FOXJ3: variants seen among roughly 807,000 people sequenced by gnomAD.
FOXJ3 encodes the protein forkhead box J3.
A neutral mutation model predicts 76.1 loss-of-function variants in FOXJ3; 22 were observed. That is an observed-to-expected ratio of 0.29 (90% CI 0.21 to 0.41). The LOEUF (loss-of-function observed/expected upper bound fraction) is 0.41. Ranked by LOEUF, FOXJ3 falls within the 10% of genes least tolerant of loss-of-function variation. The pLI is 1.00. For missense variants in FOXJ3, 613 were observed against 762.1 expected (o/e 0.80, Z 2.30); for synonymous variants, 269 against 261.2 (o/e 1.03, Z -0.29).
At chr1:42,248,596 T>G (rs1033281813) in intron 4 of FOXJ3, among the ~76,000 whole-genome samples, 1 of 151,876 alleles carries the variant, frequency 6.6e-6, no homozygotes, top group Non-Finnish European at 1.5e-5. Context: ...TAAAAAACAT[T>G]TTTTTGATCT....
chr1:42,234,398 C>T (rs554122485), intron 4 of FOXJ3, among the ~76,000 whole-genome samples: 4 of 152,276 alleles, frequency 2.6e-5, no homozygotes, highest in Middle Eastern at 3.4e-3. Context: ...CTTCTCTCAG[C>T]TCGTCAAAGT....
At chr1:42,215,984 C>A (rs1647056264) in intron 5 of FOXJ3, among the ~76,000 whole-genome samples, 1 of 151,832 alleles carries the variant, frequency 6.6e-6, no homozygotes, top group Admixed American at 6.6e-5. Context: ...AGACACCCAT[C>A]TCTAAGGGGG....
At chr1:42,244,298 T>G (rs1238089108) in intron 4 of FOXJ3, among the ~76,000 whole-genome samples, 1 of 151,782 alleles carries the variant, frequency 6.6e-6, no homozygotes, top group Non-Finnish European at 1.5e-5. Flanking sequence ...AACACAAAAT[T>G]AATAGAAGAA....
chr1:42,213,493 T>C (rs770523860), intron 5 of FOXJ3, among the ~76,000 whole-genome samples: 6 of 146,224 alleles, frequency 4.1e-5, no homozygotes, highest in Non-Finnish European at 9.0e-5. Context: ...AAAGACACGA[T>C]TATATAATGA....
At chr1:42,311,394 G>A (rs576158225) in intron 1 of FOXJ3, among the ~76,000 whole-genome samples, 2 of 152,228 alleles carry the variant, frequency 1.3e-5, no homozygotes, top group Non-Finnish European at 2.9e-5. Context: ...ATCTAAAGAA[G>A]CTGAGATTTC....
chr1:42,196,695 A>C (rs1646658058), intron 7 of FOXJ3, among the ~76,000 whole-genome samples: 1 of 152,192 alleles, frequency 6.6e-6, no homozygotes, highest in Admixed American at 6.5e-5. Context: ...TCCATCTCAA[A>C]AACAACAAAA....
chr1:42,204,026 CT>C (rs1482794366), intron 6 of FOXJ3, among the ~76,000 whole-genome samples: 6 of 151,714 alleles, frequency 4.0e-5, no homozygotes, highest in Non-Finnish European at 7.4e-5. Flanking sequence ...GGATTCACCC[CT>C]GATATTCCTC....
chr1:42,324,078 T>TACTGTATATACACAGTGTATATATAC lies in FOXJ3; in HGVS notation c.-18+10980_-18+10981insGTATATATACACTGTGTATATACAGT, dbSNP rs139441430. 4.2e-5 allele frequency among the ~76,000 whole-genome samples: 3 copies of TACTGTATATACACAGTGTATATATAC among 71,302 alleles called. 1 individual carries two copies. Among genetic ancestry groups the TACTGTATATACACAGTGTATATATAC allele is most frequent in the South Asian group, 1.1e-3 (2 of 1,818 alleles). The allele number at this position is 71,302 out of a possible 152,430, so 46.8% of individuals were successfully genotyped here. ...ACACTGTATATACACAGTGTATATA[T>TACTGTATATACACAGTGTATATATAC]AGTATATATACTGTATATATACTGT... On this transcript the variant is annotated intron_variant, in intron 1 of 12. Transcript: ENST00000361346.
chr1:42,287,664 T>C (rs372013721), intron 2 of FOXJ3, among the ~76,000 whole-genome samples: 20 of 151,984 alleles, frequency 1.3e-4, no homozygotes, highest in South Asian at 4.2e-4. Flanking sequence ...AAGCCTTCCT[T>C]AGAATTCCAT....
chr1:42,280,590 T>C (rs941917507), intron 2 of FOXJ3, among the ~76,000 whole-genome samples: 9 of 151,854 alleles, frequency 5.9e-5, no homozygotes, highest in African/African-American at 1.9e-4. Flanking sequence ...GTAGAGAAAG[T>C]ACCCTAGAGA....
intron 11 of FOXJ3, among the ~76,000 whole-genome samples, chr1:42,186,555 C>T (rs1371669762): frequency 3.3e-5 from 5 of 152,048 alleles, no homozygotes; most frequent in Non-Finnish European, 5.9e-5. Flanking sequence ...AATCACAGAA[C>T]ACCAGAACAA....
chr1:42,272,208 C>T (rs1651913929), intron 3 of FOXJ3, among the ~76,000 whole-genome samples: 1 of 152,204 alleles, frequency 6.6e-6, no homozygotes, highest in Non-Finnish European at 1.5e-5. Flanking sequence ...CTCTCTTCAA[C>T]CAATACAAGC....
rs554341429 is a variant in FOXJ3, at chr1:42,237,850, C to G, written c.445-9884G>C. Among the ~76,000 whole-genome samples, 5 of 151,774 alleles carry G rather than the reference C, an allele frequency of 3.3e-5. No individual in the cohort carries two copies. The South Asian group carries it at 8.3e-4, about 25-fold the overall frequency. ...TTAATTTTTTGTTCACTCAGATATA[C>G]AGCATCATTTAAAATATTGTAACAT... On this transcript the variant is annotated intron_variant, in intron 4 of 12. Transcript: ENST00000361346.
chr1:42,193,994 G>T (rs1646601229), intron 8 of FOXJ3, among the ~76,000 whole-genome samples: 1 of 152,188 alleles, frequency 6.6e-6, no homozygotes. Context: ...CATCATTTAT[G>T]ATGTACAAGC....
chr1:42,274,229 T>C (rs565649114), intron 3 of FOXJ3, among the ~76,000 whole-genome samples: 1 of 152,162 alleles, frequency 6.6e-6, no homozygotes, highest in African/African-American at 2.4e-5. Flanking sequence ...ACAGCTTAAA[T>C]AGAGCCACTA....
At chr1:42,322,114 A>G (rs1483681807) in intron 1 of FOXJ3, among the ~76,000 whole-genome samples, 1 of 152,162 alleles carries the variant, frequency 6.6e-6, no homozygotes, top group Non-Finnish European at 1.5e-5. Flanking sequence ...TGGTACAGAT[A>G]GAGACGTGAA....
At chr1:42,330,593 G>T (rs1184561649) in intron 1 of FOXJ3, among the ~76,000 whole-genome samples, 1 of 152,024 alleles carries the variant, frequency 6.6e-6, no homozygotes, top group African/African-American at 2.4e-5. Flanking sequence ...AGCCATGATC[G>T]TGCCACTGCA....
intron 1 of FOXJ3, among the ~76,000 whole-genome samples, chr1:42,316,332 C>CATTTTTTTTTTTT (rs1557720386): frequency 3.6e-5 from 1 of 27,800 alleles, no homozygotes; most frequent in African/African-American, 1.0e-4. Context: ...CTGCATTGGG[C>CATTTTTTTTTTTT]CTTTTTTTTT....
At chr1:42,298,597 T>C (rs775844575) in intron 2 of FOXJ3, among the ~76,000 whole-genome samples, 1 of 152,168 alleles carries the variant, frequency 6.6e-6, no homozygotes, top group Non-Finnish European at 1.5e-5. Context: ...ATTTTGTGTA[T>C]CCTTTCAAAG....
Sources: gnomAD v4.1 joint callset for allele counts (sites outside exome capture counted in the v4.1 genomes callset) on GRCh38, gnomAD v4.1.1 for gene constraint, MANE v1.5 for transcripts, NCBI Gene and HGNC (gene_info 2026-07-23, HGNC 2026-07-21) for gene names.